The following PCBP3 variants were observed in gnomAD, a reference collection of about 807,000 sequenced individuals.
The protein encoded by PCBP3 is poly(rC)-binding protein 3.
PCBP3 carries 25 observed loss-of-function variants against 52.7 expected under a neutral mutation model. That is an observed-to-expected ratio of 0.47 (90% CI 0.35 to 0.66). PCBP3 has a LOEUF of 0.66. PCBP3 is among the 30% of genes least tolerant of loss of function. The pLI, the probability that PCBP3 is intolerant of heterozygous loss-of-function variation, is 0.01. For missense variants in PCBP3, 391 were observed against 490.3 expected (o/e 0.80, Z 1.91); for synonymous variants, 162 against 183.0 (o/e 0.89, Z 0.93).
chr21:45,653,755 G>A (rs967472310), intron 1 of PCBP3, among the ~76,000 whole-genome samples: 1 of 151,762 alleles, frequency 6.6e-6, no homozygotes, highest in East Asian at 1.9e-4. Context: ...TTAAATTTAC[G>A]ATTCTATTAT....
intron 2 of PCBP3, among the ~76,000 whole-genome samples, chr21:45,703,290 G>C (rs901688562): frequency 2.0e-5 from 3 of 152,282 alleles, no homozygotes; most frequent in African/African-American, 4.8e-5. Context: ...ACTTTGCCCA[G>C]ATCCATCAGA....
intron 2 of PCBP3, among the ~76,000 whole-genome samples, chr21:45,720,515 A>T (rs564572066): frequency 6.8e-4 from 103 of 152,388 alleles, no homozygotes; most frequent in African/African-American, 2.5e-3. Flanking sequence ...GTATAATAAA[A>T]AAGTAATAAA....
Position 45,656,957 on chromosome 21 carries a change from G to A in PCBP3, c.-278-11917G>A, listed in dbSNP as rs2146964944. On this transcript the variant is annotated intron_variant, in intron 1 of 17. Coordinates refer to ENST00000681687, the MANE Select transcript of PCBP3 (RefSeq NM_001384156.1). The surrounding 1 kb of genome is among the most constrained non-coding windows in gnomAD (Gnocchi z 4.3). ...CTGCCTCAGCCTCCCGAGTAGCTGG[G>A]ACTACAGGTGCCCGCCACTGCGCCT... 6.6e-6 allele frequency among the ~76,000 whole-genome samples: 1 copy of A among 152,242 alleles called. No homozygotes were observed. The highest frequency in any genetic ancestry group is 2.1e-4 in the South Asian group (1 of 4,820).
intron 1 of PCBP3, among the ~76,000 whole-genome samples, chr21:45,665,122 T>TGG (rs1248262767): frequency 5.9e-5 from 9 of 152,032 alleles, no homozygotes; most frequent in Non-Finnish European, 1.3e-4. Context: ...ATACTACTGC[T>TGG]GGGGTACAGT....
At position 45,894,064 on chromosome 21, in the gene PCBP3, C is replaced by G. The variant is rs2095756779; in HGVS notation, c.11-2144C>G. ...GAGAGTGGTTGATGCCTCGTCCACC[C>G]TGGCCTTCCGAGTGGTCTGCAGCTC... On this transcript the variant is annotated intron_variant, in intron 5 of 17. Transcript: ENST00000681687. 3 of 983,210 alleles carry G rather than the reference C, an allele frequency of 3.1e-6. No individual in the cohort carries two copies. The African/African-American group carries it at 5.2e-5, about 17-fold the overall frequency. 60.9% of individuals were successfully genotyped at this position (983,210 alleles called of 1,614,324 possible). A position where few individuals can be genotyped will look rare whatever the true frequency, so the allele number is the denominator to read the frequency against.
chr21:45,818,003 A>G (rs529922136), intron 4 of PCBP3, among the ~76,000 whole-genome samples: 1 of 152,282 alleles, frequency 6.6e-6, no homozygotes, highest in Non-Finnish European at 1.5e-5. Flanking sequence ...TGGTACAGTC[A>G]ATGAACCAAT....
At chr21:45,674,381 G>A (rs1305486573) in intron 2 of PCBP3, among the ~76,000 whole-genome samples, 3 of 152,030 alleles carry the variant, frequency 2.0e-5, no homozygotes, top group African/African-American at 7.2e-5. Flanking sequence ...TCTATGTCTG[G>A]GGGTTTGTGC....
At position 45,917,528 on chromosome 21, in the gene PCBP3, C is replaced by G; in HGVS notation, c.676-60C>G. 2 of 1,364,886 alleles carry G rather than the reference C, an allele frequency of 1.5e-6. No individual in the cohort carries two copies. Among genetic ancestry groups the G allele is most frequent in the Non-Finnish European group, 2.1e-6 (2 of 958,398 alleles). 84.5% of individuals were successfully genotyped at this position (1,364,886 alleles called of 1,614,324 possible). A position where few individuals can be genotyped will look rare whatever the true frequency, so the allele number is the denominator to read the frequency against. On this transcript the variant is annotated intron_variant, in intron 12 of 17. Transcript: ENST00000681687. This position sits in a 1 kb window ranked among gnomAD's most constrained non-coding sequence, Gnocchi z 5.3. ...TCCTTGTCATGCTGGAGGGTGGCGGCGGGTGCTGAGCCGTGGTGCAGCCAG... is the reference window on the plus strand; with the variant it reads ...TCCTTGTCATGCTGGAGGGTGGCGGGGGGTGCTGAGCCGTGGTGCAGCCAG...
Position 45,911,075 on chromosome 21 carries a change from G to T in PCBP3, c.600+45G>T, listed in dbSNP as rs1010611983. The T allele has an allele frequency of 6.3e-6, 10 of 1,598,806 alleles. No homozygotes were observed. The African/African-American group carries it at 1.3e-4, about 21-fold the overall frequency. On this transcript the variant is annotated intron_variant, in intron 11 of 17. Transcript: ENST00000681687. ...GCCAGCCCACGTCAGTGCTGGATTT[G>T]GCCTCCCAGCACTGCAGGCAAAGGC...
At chr21:45,899,485 G>T in intron 6 of PCBP3, 114 bp from the exon 7 acceptor site, 1 of 742,728 alleles carries the variant, frequency 1.3e-6, no homozygotes, top group Non-Finnish European at 2.4e-6. Context: ...CACCGGGAAG[G>T]TCCCTTCTGC....
At position 45,781,487 on chromosome 21, in the gene PCBP3, A is replaced by G. The variant is rs543124366; in HGVS notation, c.-126+26035A>G. On this transcript the variant is annotated intron_variant, in intron 4 of 17. Coordinates refer to ENST00000681687, the MANE Select transcript of PCBP3 (RefSeq NM_001384156.1). Reference sequence around the variant, plus strand: ...GAGAAACCACTCGGTGTAACTGACCATACTAAGTATGGGCAAGGATGGGAA... The same window carrying G: ...GAGAAACCACTCGGTGTAACTGACCGTACTAAGTATGGGCAAGGATGGGAA... Among the ~76,000 whole-genome samples the G allele has an allele frequency of 3.0e-4, 45 of 152,360 alleles. No individual in the cohort carries two copies. The South Asian group carries it at 5.8e-3, about 20-fold the overall frequency.
rs150369447 is a variant in PCBP3 at position 45,721,844 on chromosome 21, C to G, written c.-199-13548C>G. 2.6e-5 allele frequency among the ~76,000 whole-genome samples: 4 copies of G among 152,238 alleles called. No individual in the cohort carries two copies. The East Asian group carries it at 7.7e-4, about 29-fold the overall frequency. ...CTCATCTGCATGTATTTTGAGAAGGCTGATAAGATAGAATTTTGGCAAGAA... is the reference window on the plus strand; with the variant it reads ...CTCATCTGCATGTATTTTGAGAAGGGTGATAAGATAGAATTTTGGCAAGAA... On this transcript the variant is annotated intron_variant, in intron 2 of 17. Coordinates refer to ENST00000681687, the MANE Select transcript of PCBP3 (RefSeq NM_001384156.1).
At chr21:45,875,923 C>T (rs925288859) in intron 5 of PCBP3, among the ~76,000 whole-genome samples, 1 of 152,244 alleles carries the variant, frequency 6.6e-6, no homozygotes, top group African/African-American at 2.4e-5. Flanking sequence ...ATTTCTCCAC[C>T]AGACTGTGAG....
chr21:45,831,866 A>T (rs973528217), intron 4 of PCBP3, among the ~76,000 whole-genome samples: 3 of 152,150 alleles, frequency 2.0e-5, no homozygotes, highest in Non-Finnish European at 4.4e-5. Flanking sequence ...ATGTGCCAGG[A>T]TGCCTGGCTA....
At chr21:45,858,934 T>C (rs1301078587) in intron 5 of PCBP3, 1 of 152,342 alleles carries the variant, frequency 6.6e-6, no homozygotes, top group East Asian at 1.9e-4. Flanking sequence ...CCGGCCACCA[T>C]GTAAGACGTC....
At chr21:45,691,428 T>C (rs2082464387) in intron 2 of PCBP3, among the ~76,000 whole-genome samples, 1 of 128,422 alleles carries the variant, frequency 7.8e-6, no homozygotes. Context: ...ATATATAAAA[T>C]ATATATATCA....
chr21:45,925,167 C>T (rs537575328), intron 13 of PCBP3, among the ~76,000 whole-genome samples: 6 of 148,354 alleles, frequency 4.0e-5, no homozygotes, highest in East Asian at 4.0e-4. Context: ...CAGGAACAGT[C>T]GAGTGGGTAG....
chr21:45,680,733 A>G (rs1158479431), intron 2 of PCBP3, among the ~76,000 whole-genome samples: 2 of 152,216 alleles, frequency 1.3e-5, no homozygotes, highest in Admixed American at 1.3e-4. Context: ...TACGTGGAAT[A>G]TAAGTGAGCA....
chr21:45,889,840 A>T (rs1158070824), intron 5 of PCBP3, among the ~76,000 whole-genome samples: 1 of 152,196 alleles, frequency 6.6e-6, no homozygotes, highest in Non-Finnish European at 1.5e-5. Context: ...GCAGCTTCTG[A>T]TCCCCCCAGA....
Sources: allele counts gnomAD v4.1 joint callset (sites outside exome capture counted in the v4.1 genomes callset), GRCh38; gene constraint gnomAD v4.1.1; non-coding constraint Gnocchi (gnomAD v3.1); transcripts MANE v1.5; gene names NCBI Gene and HGNC (gene_info 2026-07-23, HGNC 2026-07-21).